EXOC6: variants seen among roughly 807,000 people sequenced by gnomAD.
The protein encoded by EXOC6 is exocyst complex component 6.
Under a neutral mutation model 112.5 loss-of-function variants are expected in EXOC6, and 60 were observed. The ratio of observed to expected loss-of-function variants is 0.53; its 90% CI spans 0.43 to 0.66. The LOEUF (loss-of-function observed/expected upper bound fraction) is 0.66, where lower values mean the gene tolerates loss of function less well. EXOC6 is among the 30% of genes least tolerant of loss of function. The pLI, the probability that EXOC6 is intolerant of heterozygous loss-of-function variation, is 0.00. For missense variants in EXOC6, 855 were observed against 957.1 expected (o/e 0.89, Z 1.41); for synonymous variants, 295 against 308.0 (o/e 0.96, Z 0.44).
At chr10:93,010,162 C>T (rs1844175434) in intron 19 of EXOC6, among the ~76,000 whole-genome samples, 1 of 152,160 alleles carries the variant, frequency 6.6e-6, no homozygotes, top group Admixed American at 6.5e-5. Context: ...CGAATGTCCT[C>T]TGTGCCAGAT....
chr10:92,904,403 T>G (rs1850333470), intron 5 of EXOC6, among the ~76,000 whole-genome samples: 1 of 152,110 alleles, frequency 6.6e-6, no homozygotes, highest in Admixed American at 6.6e-5. Flanking sequence ...GCTGTACTAT[T>G]TTGCACTCCC....
intron 15 of EXOC6, 102 bp downstream of exon 15, chr10:92,952,484 A>T: frequency 1.3e-6 from 1 of 752,020 alleles, no homozygotes; most frequent in Non-Finnish European, 2.3e-6. Flanking sequence ...TTTATTTTAG[A>T]TTCATGGGGT....
chr10:92,951,611 T>G (rs1853419016), intron 14 of EXOC6, among the ~76,000 whole-genome samples: 1 of 152,126 alleles, frequency 6.6e-6, no homozygotes, highest in Non-Finnish European at 1.5e-5. Flanking sequence ...TATATTAGAC[T>G]TACTGAAATA....
At chr10:92,949,541 T>C (rs777843538) in intron 14 of EXOC6, among the ~76,000 whole-genome samples, 17 of 151,790 alleles carry the variant, frequency 1.1e-4, no homozygotes, top group Non-Finnish European at 2.1e-4. Flanking sequence ...GGCTAGTGTC[T>C]ATATAAAGAG....
At chr10:92,851,372 G>A (rs764648633) in intron 1 of EXOC6, among the ~76,000 whole-genome samples, 2 of 152,188 alleles carry the variant, frequency 1.3e-5, no homozygotes, top group Non-Finnish European at 2.9e-5. Flanking sequence ...AGGGCCAGGC[G>A]CGGTGGCTCA....
At chr10:93,014,385 A>G in intron 20 of EXOC6, 118 bp downstream of exon 20, 1 of 754,216 alleles carries the variant, frequency 1.3e-6, no homozygotes, top group South Asian at 1.7e-5. Flanking sequence ...CTATCTTAAG[A>G]AAAATCCTTC....
At chr10:92,930,939 C>T (rs986632066) in intron 9 of EXOC6, among the ~76,000 whole-genome samples, 1 of 151,796 alleles carries the variant, frequency 6.6e-6, no homozygotes, top group African/African-American at 2.4e-5. Flanking sequence ...TGGTGAAACC[C>T]CGTCTCTACT....
At chr10:93,046,930 C>T (rs967147385) in intron 20 of EXOC6, among the ~76,000 whole-genome samples, 1 of 152,032 alleles carries the variant, frequency 6.6e-6, no homozygotes, top group Non-Finnish European at 1.5e-5. Flanking sequence ...AAGAGTAGTT[C>T]CTCATTTAGG....
At chr10:93,037,314 A>G (rs1050243601) in intron 20 of EXOC6, among the ~76,000 whole-genome samples, 1 of 150,706 alleles carries the variant, frequency 6.6e-6, no homozygotes, top group African/African-American at 2.4e-5. Context: ...TGATTTTTGT[A>G]TTTTTTGTAG....
chr10:93,057,560 CCT>C (rs1281156362), intron 21 of EXOC6, among the ~76,000 whole-genome samples: 1 of 151,958 alleles, frequency 6.6e-6, no homozygotes, highest in African/African-American at 2.4e-5. Context: ...TTAACTTTTC[CCT>C]CTCATTATGT....
chr10:93,049,497 G>T (rs1319479500), intron 20 of EXOC6, among the ~76,000 whole-genome samples: 2 of 152,180 alleles, frequency 1.3e-5, no homozygotes, highest in Non-Finnish European at 2.9e-5. Context: ...ATGCTACAAC[G>T]TGATGAACCT....
intron 4 of EXOC6, among the ~76,000 whole-genome samples, chr10:92,896,177 ATATATT>A (rs1564810067): frequency 5.5e-3 from 89 of 16,154 alleles, no homozygotes; most frequent in Non-Finnish European, 5.9e-3. Flanking sequence ...ATATATATAT[ATATATT>A]TTTTTTTTTT....
chr10:92,935,843 G>A lies in EXOC6; in HGVS notation c.1170G>A (p.Leu390=), dbSNP rs1424508340. The change falls in exon 12 of 22, where the codon CTG becomes CTA. Residue 390 remains leucine (L), a synonymous_variant. Transcript: ENST00000260762. ...SSYCTDPDLV[L]ELKNLTVIFA... ...ATTGCACTGATCCTGATCTTGTTCT[G>A]GAGCTGAAGAATCTTACTGTAATAT... 6.2e-7 allele frequency: 1 copy of A among 1,609,308 alleles called. No individual in the cohort carries two copies. The highest frequency in any genetic ancestry group is 2.2e-5 in the East Asian group (1 of 44,608).
upstream of EXOC6, among the ~76,000 whole-genome samples, chr10:92,844,352 A>G (rs1453171130): frequency 2.0e-5 from 3 of 152,134 alleles, no homozygotes; most frequent in Non-Finnish European, 4.4e-5. Flanking sequence ...AGACTCAGTG[A>G]TTTGTTCACC....
At chr10:92,966,288 ATTATT>A (rs1564869648) in intron 17 of EXOC6, among the ~76,000 whole-genome samples, 14 of 146,376 alleles carry the variant, frequency 9.6e-5, no homozygotes, top group Admixed American at 8.9e-4. Flanking sequence ...TATAATTATT[ATTATT>A]ATTATTATTA....
intron 18 of EXOC6, among the ~76,000 whole-genome samples, chr10:92,978,907 G>C (rs1243533024): frequency 6.6e-6 from 1 of 152,118 alleles, no homozygotes; most frequent in Non-Finnish European, 1.5e-5. Flanking sequence ...CCCTGTCTTT[G>C]GTTTTGGTAG....
At position 92,836,747 on chromosome 10, in the gene EXOC6, C is replaced by T. The variant is rs370030442; in HGVS notation, c.86+1923C>T. Among the ~76,000 whole-genome samples the T allele has an allele frequency of 1.1e-4, 17 of 152,182 alleles. No individual in the cohort carries two copies. In the South Asian group the frequency reaches 2.1e-3, roughly 19 times the overall value. ...TTTGATGCCTTTCCATACATATGTA[C>T]GTGTGTCGCTGATTTTCTACTGTAA... is the stretch of plus-strand genomic sequence containing the variant. On this transcript the variant is annotated intron_variant, in intron 1 of 21. Coordinates refer to the EXOC6 transcript ENST00000371552.
intron 1 of EXOC6, among the ~76,000 whole-genome samples, chr10:92,891,069 A>G (rs1849476929): frequency 6.6e-6 from 1 of 152,182 alleles, no homozygotes; most frequent in Non-Finnish European, 1.5e-5. Flanking sequence ...ATGGGGAGGT[A>G]GTTTGCTGGA....
intron 16 of EXOC6, among the ~76,000 whole-genome samples, chr10:92,955,004 C>G (rs527613985): frequency 6.6e-6 from 1 of 152,140 alleles, no homozygotes; most frequent in Non-Finnish European, 1.5e-5. Context: ...CCAGCCTGGG[C>G]AATATAGTGA....
Sources: allele counts gnomAD v4.1 joint callset (sites outside exome capture counted in the v4.1 genomes callset), GRCh38; gene constraint gnomAD v4.1.1; transcripts MANE v1.5; gene names NCBI Gene and HGNC (gene_info 2026-07-23, HGNC 2026-07-21).